SSBP2: variants seen among roughly 807,000 people sequenced by gnomAD.
SSBP2 encodes the protein single stranded DNA binding protein 2.
SSBP2 carries 17 observed loss-of-function variants against 61.8 expected under a neutral mutation model. The observed-to-expected ratio is 0.28, with a 90% CI of 0.19 to 0.41. The LOEUF is 0.41. Among genes scored for constraint, SSBP2 ranks in the 10% least tolerant of loss-of-function variants. The pLI is 1.00. For synonymous variants in SSBP2, 139 were observed against 141.3 expected (o/e 0.98, Z 0.12); for missense variants, 310 against 458.7 (o/e 0.68, Z 2.96).
intron 1 of SSBP2, among the ~76,000 whole-genome samples, chr5:81,735,916 T>A (rs1756572214): frequency 6.6e-6 from 1 of 152,200 alleles, no homozygotes; most frequent in South Asian, 2.1e-4. Context: ...TATTTATCAA[T>A]CCTTCTGTGT....
At chr5:81,751,254 T>G (rs1757750855), upstream of SSBP2, 1 of 580,748 alleles carries the variant, frequency 1.7e-6, no homozygotes, top group Non-Finnish European at 3.1e-6. Flanking sequence ...CGGCTAAGCC[T>G]CAGCGGCAGT....
intron 1 of SSBP2, among the ~76,000 whole-genome samples, chr5:81,739,706 T>C (rs758419860): frequency 3.1e-4 from 47 of 152,272 alleles, no homozygotes; most frequent in Non-Finnish European, 5.4e-4. Context: ...TCTCATAAAA[T>C]ATATATATAC....
intron 15 of SSBP2, among the ~76,000 whole-genome samples, chr5:81,432,025 G>C (rs944046415): frequency 8.5e-5 from 13 of 152,176 alleles, no homozygotes; most frequent in African/African-American, 2.9e-4. Flanking sequence ...CTGTGGCTCT[G>C]CCTGTAATTA....
intron 10 of SSBP2, among the ~76,000 whole-genome samples, chr5:81,455,625 CA>C (rs537363119): frequency 7.2e-3 from 91 of 12,558 alleles, no homozygotes; most frequent in East Asian, 0.017. Context: ...GACTCCGTCT[CA>C]AAAAAAAAAA....
intron 16 of SSBP2, among the ~76,000 whole-genome samples, chr5:81,426,302 C>G (rs1370586762): frequency 1.3e-5 from 2 of 152,192 alleles, no homozygotes; most frequent in African/African-American, 2.4e-5. Context: ...CCCTTCTTCT[C>G]AGGAGACAGA....
chr5:81,737,840 C>A (rs976881154), intron 1 of SSBP2, among the ~76,000 whole-genome samples: 1 of 151,034 alleles, frequency 6.6e-6, no homozygotes, highest in African/African-American at 2.4e-5. Flanking sequence ...CTTGTTCATT[C>A]TACAAATCTG....
chr5:81,456,509 C>T (rs576178888), intron 10 of SSBP2, among the ~76,000 whole-genome samples: 10 of 151,262 alleles, frequency 6.6e-5, no homozygotes, highest in African/African-American at 1.9e-4. Context: ...GTTGGTGTTC[C>T]GGACCTTGTA....
chr5:81,743,451 A>T (rs951792076), intron 1 of SSBP2, among the ~76,000 whole-genome samples: 1 of 152,194 alleles, frequency 6.6e-6, no homozygotes, highest in Admixed American at 6.5e-5. Flanking sequence ...TTTTTATAGT[A>T]TATATGACTA....
chr5:81,715,223 T>A (rs117746405), intron 1 of SSBP2, among the ~76,000 whole-genome samples: 2 of 150,870 alleles, frequency 1.3e-5, no homozygotes, highest in East Asian at 3.9e-4. Context: ...CAGAACAGAG[T>A]AGGATTTTCT....
chr5:81,440,653 G>C lies in SSBP2; in HGVS notation c.850-17C>G, dbSNP rs374143242. The C allele has an allele frequency of 1.3e-6, 2 of 1,552,782 alleles. No individual in the cohort carries two copies. Among genetic ancestry groups the C allele is most frequent in the South Asian group, 1.2e-5 (1 of 85,496 alleles). ...CATTGGAAACTATTTTAAAAATGAA[G>C]AAAATCACTGTAATCATACTGAAAA... On this transcript the variant is annotated splice_polypyrimidine_tract_variant and intron_variant, in intron 13 of 16. Transcript: ENST00000320672.
chr5:81,424,708 G>A (rs1761844717), intron 16 of SSBP2, among the ~76,000 whole-genome samples: 1 of 151,964 alleles, frequency 6.6e-6, no homozygotes, highest in South Asian at 2.1e-4. Context: ...TCACAGAATG[G>A]GCAAGCAAAA....
chr5:81,466,228 T>C (rs980247783), intron 9 of SSBP2, among the ~76,000 whole-genome samples: 1 of 152,036 alleles, frequency 6.6e-6, no homozygotes, highest in African/African-American at 2.4e-5. Context: ...CACTAACAAG[T>C]ACCTTGTGTA....
intron 1 of SSBP2, among the ~76,000 whole-genome samples, chr5:81,738,222 A>C (rs2154011509): frequency 6.6e-6 from 1 of 152,314 alleles, no homozygotes; most frequent in South Asian, 2.1e-4. Context: ...TGATGTGGGT[A>C]CTTGGTTACA....
chr5:81,541,023 C>T (rs1771226004), intron 4 of SSBP2, among the ~76,000 whole-genome samples: 2 of 151,840 alleles, frequency 1.3e-5, no homozygotes, highest in South Asian at 2.1e-4. Flanking sequence ...ACCTTAAAGA[C>T]CCTGCCAAAA....
intron 4 of SSBP2, among the ~76,000 whole-genome samples, chr5:81,587,626 A>C (rs1223783089): frequency 1.3e-5 from 2 of 152,272 alleles, no homozygotes; most frequent in East Asian, 3.9e-4. Flanking sequence ...GCTACTCGGG[A>C]GGCTGAGACA....
chr5:81,504,593 A>C (rs1768037622), intron 5 of SSBP2, among the ~76,000 whole-genome samples: 1 of 152,154 alleles, frequency 6.6e-6, no homozygotes. Flanking sequence ...ACTCAAATAC[A>C]TCTTTTTGAT....
chr5:81,749,242 A>G (rs1757551626), intron 1 of SSBP2, among the ~76,000 whole-genome samples: 2 of 152,226 alleles, frequency 1.3e-5, no homozygotes, highest in African/African-American at 4.8e-5. Context: ...TGTCACAGCA[A>G]CAAGATCCTG....
Position 81,501,212 on chromosome 5 carries a change from A to AAT in SSBP2, c.373-11905_373-11904dup, listed in dbSNP as rs1167504052. ...GGTGACAGAGGGAGACTCCATCTCA[A>AAT]ATATATATATATATATATATATATA... On this transcript the variant is annotated intron_variant, in intron 5 of 16. Transcript: ENST00000320672. Among the ~76,000 whole-genome samples, 65 of 28,792 alleles carry AAT rather than the reference A, an allele frequency of 2.3e-3. 2 individuals carry two copies. Among genetic ancestry groups the AAT allele is most frequent in the Non-Finnish European group, 3.9e-3 (48 of 12,226 alleles). The allele number at this position is 28,792 out of a possible 152,430, so 18.9% of individuals were successfully genotyped here.
chr5:81,751,058 A>C lies in SSBP2; in HGVS notation c.-16T>G, dbSNP rs775178943. The C allele has an allele frequency of 1.1e-5, 17 of 1,583,320 alleles. No homozygotes were observed. In the East Asian group the frequency reaches 2.1e-4, roughly 19 times the overall value. ...TGCCGTACATGCTTGTGCCGAGAGC[A>C]GCTCCCACTGTCACGCACCTGTCAA... On this transcript the variant is annotated 5_prime_UTR_variant, in exon 1 of 17. Transcript: ENST00000320672.
Sources: gnomAD v4.1 joint callset for allele counts (sites outside exome capture counted in the v4.1 genomes callset) on GRCh38, gnomAD v4.1.1 for gene constraint, MANE v1.5 for transcripts, NCBI Gene and HGNC (gene_info 2026-07-23, HGNC 2026-07-21) for gene names.